FAM83H: variants seen among roughly 807,000 people sequenced by gnomAD.
The protein encoded by FAM83H is protein FAM83H.
Under a neutral mutation model 30.2 loss-of-function variants are expected in FAM83H, and 24 were observed. The observed-to-expected ratio is 0.79, with a 90% CI of 0.57 to 1.12. The LOEUF (loss-of-function observed/expected upper bound fraction) is 1.12, where lower values mean the gene tolerates loss of function less well. FAM83H is among the 50% of genes most tolerant of loss of function. The pLI is 0.00. For missense variants in FAM83H, 2,038 were observed against 1,773.9 expected (o/e 1.15, Z -2.67); for synonymous variants, 1,013 against 821.7 (o/e 1.23, Z -3.98).
At position 143,725,715 on chromosome 8, in the gene FAM83H, C is replaced by G. The variant is rs1818264155; in HGVS notation, c.*206G>C. 3.9e-6 allele frequency: 3 copies of G among 769,088 alleles called. No individual in the cohort carries two copies. In the South Asian group the frequency reaches 5.5e-5, roughly 14 times the overall value. The allele number at this position is 769,088 out of a possible 1,614,324, so 47.6% of individuals were successfully genotyped here. A position where few individuals can be genotyped will look rare whatever the true frequency, so the allele number is the denominator to read the frequency against. On this transcript the variant is annotated 3_prime_UTR_variant, in exon 5 of 5. Transcript: ENST00000388913. ...CTGGTGGCGAGGGGTGCAGCCCCAG[C>G]GTTGGGGAGGCCAGGGGGCAGAGAC...
Position 143,727,625 on chromosome 8 carries a change from G to A in FAM83H, c.1836C>T (p.Asp612=), listed in dbSNP as rs1331468061. 3.2e-6 allele frequency: 5 copies of A among 1,581,192 alleles called. No individual in the cohort carries two copies. The highest frequency in any genetic ancestry group is 2.7e-5 in the African/African-American group (2 of 73,666). Residue 612 remains aspartate, a synonymous_variant, in exon 5 of 5, where the codon GAC becomes GAT. Transcript: ENST00000388913. ...GTGCCCGGCCCCCGGGAGCCAGCAC[G>A]TCGTCTTCGTAAGCCTCCGCTTCCA... The part of the protein sequence containing the change: ...APMEAEAYED[D]VLAPGGRAPA...
In FAM83H at chr8:143,730,382, G is replaced by C; in HGVS notation, c.201C>G (p.His67Gln). The change falls in exon 2 of 5, where the codon CAC (histidine) becomes CAG (glutamine). Residue 67 changes from histidine to glutamine, a missense_variant. Physicochemically the swap from His to Gln is conservative, Grantham distance 24. Transcript: ENST00000388913. ...CPEELEHVSR[H>Q]LRPPQYVTRE... The stretch of plus-strand genomic sequence containing the variant: ...GGGTAACATACTGCGGAGGCCGAAG[G>C]TGTCGGCTCACATGTTCCAGCTCTT... 2 of 1,613,520 alleles carry C rather than the reference G, an allele frequency of 1.2e-6. No homozygotes were observed. The highest frequency in any genetic ancestry group is 8.5e-7 in the Non-Finnish European group (1 of 1,180,036).
chr8:143,725,845 T>A lies in FAM83H; in HGVS notation c.*76A>T. On this transcript the variant is annotated 3_prime_UTR_variant, in exon 5 of 5. Transcript: ENST00000388913. ...CGCTGCTCAAGCAGATGAGCAGGGC[T>A]CTCTGTTCCGCGGGGCTTCTGGATG... 6.4e-7 allele frequency: 1 copy of A among 1,574,526 alleles called. No homozygotes were observed. Among genetic ancestry groups the A allele is most frequent in the Non-Finnish European group, 8.6e-7 (1 of 1,159,004 alleles).
intron 2 of FAM83H, 56 bp downstream of exon 2, chr8:143,730,080 C>G: frequency 7.1e-7 from 1 of 1,418,408 alleles, no homozygotes; most frequent in Non-Finnish European, 9.4e-7. Context: ...CTCCTCCACC[C>G]CCGTGCCTCT....
Position 143,727,290 on chromosome 8 carries a change from T to C in FAM83H, c.2171A>G (p.Glu724Gly). ...GGTGGAAGCCGCGGAGCGCACGGCC[T>C]CTCCGCCGGGCCCCAGCGTCTCGCT... ...TVSETLGPGG[E>G]AVRSAASTKV... The change falls in exon 5 of 5, where the codon GAG becomes GGG. Residue 724 changes from glutamate (E) to glycine (G), a missense_variant. Physicochemically the swap from Glu to Gly is moderately conservative, Grantham distance 98. Coordinates refer to ENST00000388913, the MANE Select transcript of FAM83H (RefSeq NM_198488.5). 1 of 1,537,344 alleles carries C rather than the reference T, an allele frequency of 6.5e-7. No individual in the cohort carries two copies. Among genetic ancestry groups the C allele is most frequent in the Middle Eastern group, 1.7e-4 (1 of 5,872 alleles).
rs782246101 is a variant in FAM83H at position 143,726,813 on chromosome 8, G to A, written c.2648C>T (p.Thr883Met). 7 of 1,612,758 alleles carry A rather than the reference G, an allele frequency of 4.3e-6. No individual in the cohort carries two copies. The highest frequency in any genetic ancestry group is 5.9e-6 in the Non-Finnish European group (7 of 1,179,836). ...SAYPERKGSPTPGFSTRRGSP... is the reference protein window; with the variant it reads ...SAYPERKGSPMPGFSTRRGSP... ...TCCTCTTCGAGTGGAAAACCCAGGC[G>A]TGGGGCTCCCCTTCCGCTCAGGGTA... Residue 883 changes from threonine to methionine, a missense_variant, in exon 5 of 5, where the codon ACG (threonine) becomes ATG (methionine). Transcript: ENST00000388913.
At position 143,726,110 on chromosome 8, in the gene FAM83H, ATCGCGCTCCTCC is replaced by A; in HGVS notation, c.3339_3350del (p.Glu1114_Asp1117del). On this transcript the variant is annotated inframe_deletion, in exon 5 of 5. Coordinates refer to ENST00000388913, the MANE Select transcript of FAM83H (RefSeq NM_198488.5). ...TGCTCTCCATGCGGCGCAGCAGCCGATCGCGCTCCTCCGCGCTGGCTGGCAGCGTGCGGCTCA... is the reference window on the plus strand; with the variant it reads ...TGCTCTCCATGCGGCGCAGCAGCCGAGCGCTGGCTGGCAGCGTGCGGCTCA... 6.2e-7 allele frequency: 1 copy of A among 1,611,488 alleles called. No individual in the cohort carries two copies. The highest frequency in any genetic ancestry group is 8.5e-7 in the Non-Finnish European group (1 of 1,179,352).
rs1554621700 is a variant in FAM83H, at chr8:143,726,318, C to A, written c.3143G>T (p.Ser1048Ile). Reference sequence around the variant, plus strand: ...CGCACGGTGCTTCTGGCCGTGGGCACTGATCTGCTCCAGAATGGCCTTCGT... The same window carrying A: ...CGCACGGTGCTTCTGGCCGTGGGCAATGATCTGCTCCAGAATGGCCTTCGT... The part of the protein sequence containing the change: ...DDTKAILEQI[S>I]AHGQKHRAVP... The change falls in exon 5 of 5, where the codon AGT (serine) becomes ATT (isoleucine). Residue 1048 changes from serine (S) to isoleucine (I), a missense_variant. By Grantham distance (142) the Ser-to-Ile change is moderately radical. Transcript: ENST00000388913. The A allele has an allele frequency of 3.1e-6, 5 of 1,612,260 alleles. No individual in the cohort carries two copies. Among genetic ancestry groups the A allele is most frequent in the Non-Finnish European group, 4.2e-6 (5 of 1,179,754 alleles).
chr8:143,727,437 A>C lies in FAM83H; in HGVS notation c.2024T>G (p.Leu675Arg). 1 of 1,571,800 alleles carries C rather than the reference A, an allele frequency of 6.4e-7. No homozygotes were observed. Reference sequence around the variant, plus strand: ...GCGCAGCCTGGAGCTGCGCTGGACCAGGGGGTTCAGGCGCGAGCGGAATGA... The same window carrying C: ...GCGCAGCCTGGAGCTGCGCTGGACCCGGGGGTTCAGGCGCGAGCGGAATGA... ...QDSFRSRLNP[L>R]VQRSSRLRSS... The change falls in exon 5 of 5, where the codon CTG becomes CGG. Residue 675 changes from leucine (L) to arginine (R), a missense_variant. Leu to Arg is a moderately radical substitution (Grantham distance 102, BLOSUM62 -2). Coordinates refer to ENST00000388913, the MANE Select transcript of FAM83H (RefSeq NM_198488.5).
In FAM83H at chr8:143,727,146, T is replaced by A. The variant is rs1345073307; in HGVS notation, c.2315A>T (p.Glu772Val). 7 of 1,534,086 alleles carry A rather than the reference T, an allele frequency of 4.6e-6. No homozygotes were observed. Among genetic ancestry groups the A allele is most frequent in the Non-Finnish European group, 5.2e-6 (6 of 1,146,104 alleles). The change falls in exon 5 of 5, where the codon GAG becomes GTG. Residue 772 changes from glutamate (E) to valine (V), a missense_variant. Coordinates refer to ENST00000388913, the MANE Select transcript of FAM83H (RefSeq NM_198488.5). ...KAVVSQAWRE[E>V]VAAPGAVGGE... is the part of the protein sequence containing the mutation. ...CCCCACGGCACCTGGGGCCGCCACC[T>A]CTTCCCGCCACGCCTGGGACACGAC...
chr8:143,728,518 C>G lies in FAM83H; in HGVS notation c.943G>C (p.Gly315Arg). The G allele has an allele frequency of 6.4e-7, 1 of 1,560,036 alleles. No individual in the cohort carries two copies. The highest frequency in any genetic ancestry group is 1.2e-5 in the South Asian group (1 of 85,482). The change falls in exon 5 of 5, where the codon GGG becomes CGG. Residue 315 changes from glycine to arginine, a missense_variant. Gly to Arg is a moderately radical substitution (Grantham distance 125). Coordinates refer to ENST00000388913, the MANE Select transcript of FAM83H (RefSeq NM_198488.5). Reference protein sequence around the residue: ...AGPLVGVPGVGAPTPFSFPKR... With the variant: ...AGPLVGVPGVRAPTPFSFPKR... Reference sequence around the variant, plus strand: ...GGGAAGGAGAAGGGGGTTGGCGCCCCGACCCCAGGGACGCCCACGAGAGGC... The same window carrying G: ...GGGAAGGAGAAGGGGGTTGGCGCCCGGACCCCAGGGACGCCCACGAGAGGC...
In FAM83H at chr8:143,726,705, AC is replaced by A; in HGVS notation, c.2755del (p.Val919CysfsTer55). The A allele has an allele frequency of 6.2e-7, 1 of 1,604,548 alleles. No homozygotes were observed. The highest frequency in any genetic ancestry group is 8.5e-7 in the Non-Finnish European group (1 of 1,177,698). On this transcript the variant is annotated frameshift_variant, in exon 5 of 5. Transcript: ENST00000388913. LOFTEE classifies it high-confidence loss of function. ...PERRGSPVPP[V>X]PERRSSPVPP... ...CACCGGACTGCTCCTGCGCTCCGGC[AC>A]GGGGGGCACCGGACTACCCCTGCGC...
chr8:143,726,514 C>T lies in FAM83H; in HGVS notation c.2947G>A (p.Asp983Asn), dbSNP rs782660797. Residue 983 changes from aspartate (D) to asparagine (N), a missense_variant, in exon 5 of 5, where the codon GAT (aspartate) becomes AAT (asparagine). Transcript: ENST00000388913. The stretch of plus-strand genomic sequence containing the variant: ...TGCGGCACTGGGAAGCCACCCTCAT[C>T]CTCCATGCGCCGCTCGCCCTTGGGG... The part of the protein sequence containing the change: ...LSPKGERRME[D>N]EGGFPVPQEN... The T allele has an allele frequency of 1.9e-6, 3 of 1,605,960 alleles. No individual in the cohort carries two copies. The Admixed American group carries it at 5.0e-5, about 27-fold the overall frequency.
rs1423771028 is a variant in FAM83H, at chr8:143,724,507, G to C, written c.*1414C>G. 2 of 152,202 alleles carry C rather than the reference G, an allele frequency of 1.3e-5. No homozygotes were observed. The highest frequency in any genetic ancestry group is 6.5e-5 in the Admixed American group (1 of 15,278). The allele number at this position is 152,202 out of a possible 1,614,324, so 9.4% of individuals were successfully genotyped here. ...CAATTCCTCTCTAGGAGTGAAAAGA[G>C]ATAAAAGATAAGCCAAGAACCCTGG... On this transcript the variant is annotated 3_prime_UTR_variant, in exon 5 of 5. Coordinates refer to ENST00000388913, the MANE Select transcript of FAM83H (RefSeq NM_198488.5).
At position 143,726,283 on chromosome 8, in the gene FAM83H, G is replaced by A; in HGVS notation, c.3178C>T (p.Pro1060Ser). The A allele has an allele frequency of 1.2e-6, 2 of 1,612,240 alleles. No individual in the cohort carries two copies. The highest frequency in any genetic ancestry group is 1.6e-4 in the Middle Eastern group (1 of 6,062). ...HGQKHRAVPA[P>S]SPGPTHNSPE... ...CTGTTGTGGGTCGGGCCGGGGCTCG[G>A]GGCAGGGACCGCACGGTGCTTCTGG... The change falls in exon 5 of 5, where the codon CCG becomes TCG. Residue 1060 changes from proline to serine, a missense_variant. Transcript: ENST00000388913.
chr8:143,732,660 C>T lies in FAM83H; in HGVS notation c.-16+1031G>A, dbSNP rs1053151157. On this transcript the variant is annotated intron_variant, in intron 1 of 4. Transcript: ENST00000388913. ...TCGTCCTCACAGGGTGATGCCCAGA[C>T]CTCCAACTGCTTCATTCCTCACGTC... The T allele has an allele frequency of 5.5e-5, 54 of 985,428 alleles. No homozygotes were observed. The Middle Eastern group carries it at 3.1e-3, about 57-fold the overall frequency. The allele number at this position is 985,428 out of a possible 1,614,324, so 61.0% of individuals were successfully genotyped here.
rs1407310192 is a variant in FAM83H, at chr8:143,728,878, T to C, written c.737+89A>G. On this transcript the variant is annotated intron_variant, in intron 4 of 4. Coordinates refer to ENST00000388913, the MANE Select transcript of FAM83H (RefSeq NM_198488.5). ...CAGGGGTCTACAGGACAAGGGCTCC[T>C]GGCGAGGAGGGCCCTGGTGTGGAAA... 3.1e-6 allele frequency: 5 copies of C among 1,605,288 alleles called. No individual in the cohort carries two copies. In the Admixed American group the frequency reaches 8.3e-5, roughly 27 times the overall value.
Position 143,727,760 on chromosome 8 carries a change from C to G in FAM83H, c.1701G>C (p.Glu567Asp), listed in dbSNP as rs1554622849. 3 of 1,480,812 alleles carry G rather than the reference C, an allele frequency of 2.0e-6. No individual in the cohort carries two copies. The highest frequency in any genetic ancestry group is 2.7e-6 in the Non-Finnish European group (3 of 1,123,374). 91.7% of individuals were successfully genotyped at this position (1,480,812 alleles called of 1,614,324 possible). The change falls in exon 5 of 5, where the codon GAG becomes GAC. Residue 567 changes from glutamate (E) to aspartate (D), a missense_variant. Transcript: ENST00000388913. ...GPDPAPEAEP[E>D]RRGGPEGRAG... ...CCCGCCCCTCGGGCCCGCCCCTGCGCTCCGGCTCCGCCTCGGGAGCGGGGT... is the reference window on the plus strand; with the variant it reads ...CCCGCCCCTCGGGCCCGCCCCTGCGGTCCGGCTCCGCCTCGGGAGCGGGGT...
In FAM83H at chr8:143,726,685, G is replaced by T. The variant is rs1206391189; in HGVS notation, c.2776C>A (p.Pro926Thr). Residue 926 changes from proline to threonine, a missense_variant, in exon 5 of 5, where the codon CCG becomes ACG. Transcript: ENST00000388913. Reference sequence around the variant, plus strand: ...CTGCGCTCCGGCACGGGGGGCACCGGACTGCTCCTGCGCTCCGGCACGGGG... The same window carrying T: ...CTGCGCTCCGGCACGGGGGGCACCGTACTGCTCCTGCGCTCCGGCACGGGG... The part of the protein sequence containing the change: ...VPPVPERRSS[P>T]VPPVPERRGS... 2 of 1,599,368 alleles carry T rather than the reference G, an allele frequency of 1.3e-6. No individual in the cohort carries two copies. The highest frequency in any genetic ancestry group is 1.7e-4 in the Middle Eastern group (1 of 6,036).
Sources: gnomAD v4.1 joint callset for allele counts on GRCh38, gnomAD v4.1.1 for gene constraint, MANE v1.5 for transcripts, NCBI Gene and HGNC (gene_info 2026-07-23, HGNC 2026-07-21) for gene names.